SLC40A1: variants seen among roughly 807,000 people sequenced by gnomAD.
SLC40A1 encodes the protein solute carrier family 40 member 1.
A neutral mutation model predicts 53.5 loss-of-function variants in SLC40A1; 16 were observed. That is an observed-to-expected ratio of 0.30 (90% CI 0.20 to 0.45). The LOEUF (loss-of-function observed/expected upper bound fraction) is 0.45, where lower values mean the gene tolerates loss of function less well. Among genes scored for constraint, SLC40A1 ranks in the 20% least tolerant of loss-of-function variants. SLC40A1 has a pLI of 1.00. For missense variants in SLC40A1, 545 were observed against 695.4 expected, an observed-to-expected ratio of 0.78 and a Z score of 2.43; for synonymous variants, 247 against 253.2, an observed-to-expected ratio of 0.98 and a Z score of 0.23.
chr2:189,565,639 C>A (rs190407708), intron 5 of SLC40A1, 40 bp from the exon 6 acceptor site: 1 of 1,613,490 alleles, frequency 6.2e-7, no homozygotes, highest in African/African-American at 1.3e-5. Context: ...GTGTGCAAAC[C>A]CATCAAAGAG....
intron 2 of SLC40A1, among the ~76,000 whole-genome samples, chr2:189,578,818 T>A (rs1299027018): frequency 2.6e-5 from 4 of 152,220 alleles, no homozygotes; most frequent in African/African-American, 7.2e-5. Flanking sequence ...CTGCTATTTC[T>A]TAGAGAACCA....
At chr2:189,577,136 A>G (rs1480437269) in intron 2 of SLC40A1, among the ~76,000 whole-genome samples, 1 of 152,186 alleles carries the variant, frequency 6.6e-6, no homozygotes, top group Non-Finnish European at 1.5e-5. Flanking sequence ...TGGATGACCT[A>G]TTTATGTGTC....
rs1328692793 is a variant in SLC40A1 at position 189,571,648 on chromosome 2, A to C, written c.514+67T>G. The C allele has an allele frequency of 1.9e-6, 3 of 1,581,750 alleles. No individual in the cohort carries two copies. In the Admixed American group the frequency reaches 5.5e-5, roughly 29 times the overall value. On this transcript the variant is annotated intron_variant, in intron 5 of 7. Transcript: ENST00000261024. ...ACAAAAATACAAGGCTTACAGCCTCATTTATCACCACCGATTTAAAGTGAA... is the reference window on the plus strand; with the variant it reads ...ACAAAAATACAAGGCTTACAGCCTCCTTTATCACCACCGATTTAAAGTGAA...
At chr2:189,568,312 C>A (rs2031002526) in intron 5 of SLC40A1, among the ~76,000 whole-genome samples, 1 of 152,036 alleles carries the variant, frequency 6.6e-6, no homozygotes, top group Non-Finnish European at 1.5e-5. Flanking sequence ...CACAGTGAAA[C>A]CCTGTCTCTA....
At chr2:189,575,980 G>A (rs773274957) in intron 2 of SLC40A1, among the ~76,000 whole-genome samples, 1 of 152,188 alleles carries the variant, frequency 6.6e-6, no homozygotes, top group African/African-American at 2.4e-5. Context: ...GCCTAAGTAA[G>A]TAGTTACGTT....
intron 5 of SLC40A1, among the ~76,000 whole-genome samples, chr2:189,568,732 C>T (rs1420978477): frequency 6.6e-6 from 1 of 152,072 alleles, no homozygotes. Flanking sequence ...TTTTAAATTT[C>T]CTAGCAGTTT....
Position 189,580,408 on chromosome 2 carries a change from C to G in SLC40A1, c.43+10G>C. 1 of 1,613,648 alleles carries G rather than the reference C, an allele frequency of 6.2e-7. No homozygotes were observed. Among genetic ancestry groups the G allele is most frequent in the Non-Finnish European group, 8.5e-7 (1 of 1,179,954 alleles). On this transcript the variant is annotated intron_variant, in intron 1 of 7. Transcript: ENST00000261024. ...GTTTCCACCATATGCTTTCGGTCAACGACACTCACCACAGCATCCTCTCTG... is the reference window on the plus strand; with the variant it reads ...GTTTCCACCATATGCTTTCGGTCAAGGACACTCACCACAGCATCCTCTCTG...
Position 189,563,632 on chromosome 2 carries a change from T to C in SLC40A1, c.1354A>G (p.Ile452Val). Residue 452 changes from isoleucine to valine, a missense_variant, in exon 7 of 8, where the codon ATA (isoleucine) becomes GTA (valine). Ile to Val is a conservative substitution (Grantham distance 29). Coordinates refer to ENST00000261024, the MANE Select transcript of SLC40A1 (RefSeq NM_014585.6). ...VPETSPESVP[I>V]ISVSLLFAGV... ...GCAAACAGCAGACTGACAGAGATTATGGGCACAGATTCAGGACTTGTCTCC... is the reference window on the plus strand; with the variant it reads ...GCAAACAGCAGACTGACAGAGATTACGGGCACAGATTCAGGACTTGTCTCC... The C allele has an allele frequency of 1.2e-6, 2 of 1,614,202 alleles. No individual in the cohort carries two copies. The highest frequency in any genetic ancestry group is 2.2e-5 in the South Asian group (2 of 91,086).
intron 7 of SLC40A1, among the ~76,000 whole-genome samples, chr2:189,562,753 A>G (rs1342450927): frequency 1.3e-5 from 2 of 152,192 alleles, no homozygotes; most frequent in East Asian, 1.9e-4. Context: ...ATTAATTATT[A>G]CTTAAATTTT....
chr2:189,566,856 G>A (rs2105623175), intron 5 of SLC40A1, among the ~76,000 whole-genome samples: 1 of 152,338 alleles, frequency 6.6e-6, no homozygotes, highest in East Asian at 1.9e-4. Context: ...GGAAAGTGGA[G>A]AAGGAAAGAA....
In SLC40A1 at chr2:189,560,594, G is replaced by A. The variant is rs1007117802; in HGVS notation, c.*1284C>T. On this transcript the variant is annotated 3_prime_UTR_variant, in exon 8 of 8. Coordinates refer to ENST00000261024, the MANE Select transcript of SLC40A1 (RefSeq NM_014585.6). ...GGGAACAGAATTCAGGAAAAATTAA[G>A]ATTTTCAAAATATTTTTATATAGAA... 4 of 152,452 alleles carry A rather than the reference G, an allele frequency of 2.6e-5. No individual in the cohort carries two copies. The highest frequency in any genetic ancestry group is 6.6e-5 in the Admixed American group (1 of 15,264). The allele number at this position is 152,452 out of a possible 1,614,324, so 9.4% of individuals were successfully genotyped here.
chr2:189,580,627 A>G lies in SLC40A1; in HGVS notation c.-167T>C. 6.5e-7 allele frequency: 1 copy of G among 1,532,176 alleles called. No individual in the cohort carries two copies. Among genetic ancestry groups the G allele is most frequent in the Non-Finnish European group, 8.7e-7 (1 of 1,144,682 alleles). 94.9% of individuals were successfully genotyped at this position (1,532,176 alleles called of 1,614,324 possible). On this transcript the variant is annotated 5_prime_UTR_variant, in exon 1 of 8. Transcript: ENST00000261024. ...CGACTTTGGCAAAGAACAAAAGAAA[A>G]GGGGCCCAGGGATTTTCTTTTTTCC...
chr2:189,579,796 T>G lies in SLC40A1; in HGVS notation c.111+17A>C, dbSNP rs758105698. The G allele has an allele frequency of 6.2e-7, 1 of 1,608,696 alleles. No homozygotes were observed. Among genetic ancestry groups the G allele is most frequent in the Non-Finnish European group, 8.5e-7 (1 of 1,175,094 alleles). On this transcript the variant is annotated intron_variant, in intron 2 of 7. Transcript: ENST00000261024. ...AAATTGCGCAACTGTGTTGTAAGAC[T>G]ATGCATTCTCACTTACCCAAGTAGA...
At chr2:189,562,229 T>C in intron 7 of SLC40A1, 38 bp from the exon 8 acceptor site, 1 of 1,452,976 alleles carries the variant, frequency 6.9e-7, no homozygotes, top group Non-Finnish European at 9.4e-7. Flanking sequence ...AGATTTTAGT[T>C]TACAGGCATA....
At position 189,575,195 on chromosome 2, in the gene SLC40A1, G is replaced by C. The variant is rs769966493; in HGVS notation, c.237C>G (p.Ile79Met). ...TAGCATTCTTGTCCACCCAGTCACC[G>C]ATGATGGCTCCCAGGACCAGAACAG... is the stretch of plus-strand genomic sequence containing the variant. ...AGSVLVLGAI[I>M]GDWVDKNARL... Residue 79 changes from isoleucine to methionine, a missense_variant, in exon 3 of 8, where the codon ATC (isoleucine) becomes ATG (methionine). Transcript: ENST00000261024. 1 of 1,613,986 alleles carries C rather than the reference G, an allele frequency of 6.2e-7. No individual in the cohort carries two copies. The highest frequency in any genetic ancestry group is 8.5e-7 in the Non-Finnish European group (1 of 1,179,986).
chr2:189,579,248 A>T (rs2031384469), intron 2 of SLC40A1, among the ~76,000 whole-genome samples: 1 of 152,114 alleles, frequency 6.6e-6, no homozygotes. Flanking sequence ...ACTGCCCCAA[A>T]CTTTATCTAA....
chr2:189,578,969 T>G lies in SLC40A1; in HGVS notation c.111+844A>C, dbSNP rs186371855. ...CATTCAAAAAATTTACTCTCAAAATTCTTTCCATTCTTTTTAAATACATAT... is the reference window on the plus strand; with the variant it reads ...CATTCAAAAAATTTACTCTCAAAATGCTTTCCATTCTTTTTAAATACATAT... On this transcript the variant is annotated intron_variant, in intron 2 of 7. Coordinates refer to ENST00000261024, the MANE Select transcript of SLC40A1 (RefSeq NM_014585.6). Among the ~76,000 whole-genome samples the G allele has an allele frequency of 1.0e-3, 154 of 152,340 alleles. 1 individual carries two copies. Among genetic ancestry groups the G allele is most frequent in the African/African-American group, 3.5e-3 (146 of 41,562 alleles).
At position 189,568,285 on chromosome 2, in the gene SLC40A1, A is replaced by G. The variant is rs551741077; in HGVS notation, c.515-2686T>C. ...GGGTGGATCACGAGGTCAGGAGATC[A>G]AGACAATCCTGGCTAACACAGTGAA... is the stretch of plus-strand genomic sequence containing the variant. On this transcript the variant is annotated intron_variant, in intron 5 of 7. Coordinates refer to ENST00000261024, the MANE Select transcript of SLC40A1 (RefSeq NM_014585.6). 1.2e-3 allele frequency among the ~76,000 whole-genome samples: 189 copies of G among 152,168 alleles called. 1 individual carries two copies. Among genetic ancestry groups the G allele is most frequent in the South Asian group, 6.6e-3 (32 of 4,818 alleles).
intron 3 of SLC40A1, among the ~76,000 whole-genome samples, chr2:189,574,564 T>C (rs575285076): frequency 5.3e-5 from 8 of 152,316 alleles, no homozygotes; most frequent in Admixed American, 5.2e-4. Context: ...TACTGGAAAA[T>C]TTAATTGATC....
Sources: gnomAD v4.1 joint callset for allele counts (sites outside exome capture counted in the v4.1 genomes callset) on GRCh38, gnomAD v4.1.1 for gene constraint, MANE v1.5 for transcripts, NCBI Gene and HGNC (gene_info 2026-07-23, HGNC 2026-07-21) for gene names.